The following ECPAS variants were observed in gnomAD, a reference collection of about 807,000 sequenced individuals.
ECPAS encodes proteasome adapter and scaffold protein ECM29.
Under a neutral mutation model 255.1 loss-of-function variants are expected in ECPAS, and 70 were observed. The ratio of observed to expected loss-of-function variants is 0.27; its 90% confidence interval spans 0.23 to 0.33. ECPAS has a LOEUF of 0.33. Among genes scored for constraint, ECPAS ranks in the 10% least tolerant of loss-of-function variants. The probability of loss-of-function intolerance (pLI) is 1.00; values close to 1 mark genes in which losing one functional copy is unlikely to be tolerated. For synonymous variants in ECPAS, 784 were observed against 775.0 expected (o/e 1.01, Z -0.19); for missense variants, 1,817 against 2,206.4 (o/e 0.82, Z 3.54).
intron 9 of ECPAS, 64 bp from the exon 10 acceptor site, chr9:111,428,225 G>A (rs2098224593): frequency 2.7e-6 from 4 of 1,491,508 alleles, no homozygotes; most frequent in Admixed American, 2.1e-5. Flanking sequence ...AAAATGTCAT[G>A]AGAATTCATC....
At position 111,389,975 on chromosome 9, in the gene ECPAS, G is replaced by A; in HGVS notation, c.3279+9C>T. 6.5e-7 allele frequency: 1 copy of A among 1,529,756 alleles called. No homozygotes were observed. Among genetic ancestry groups the A allele is most frequent in the South Asian group, 1.2e-5 (1 of 86,782 alleles). The allele number at this position is 1,529,756 out of a possible 1,614,324, so 94.8% of individuals were successfully genotyped here. A position where few individuals can be genotyped will look rare whatever the true frequency, so the allele number is the denominator to read the frequency against. On this transcript the variant is annotated intron_variant, in intron 30 of 49. Coordinates refer to ENST00000684092, the MANE Select transcript of ECPAS (RefSeq NM_001364929.1). The stretch of plus-strand genomic sequence containing the variant: ...AAAAATAAATAATTGTCCAGTGATA[G>A]CAACTTACCTTCCTAGAGTTCCACA...
intron 1 of ECPAS, among the ~76,000 whole-genome samples, chr9:111,481,934 G>A (rs2098306060): frequency 6.6e-6 from 1 of 152,194 alleles, no homozygotes; most frequent in East Asian, 1.9e-4. Flanking sequence ...GTCGCCAGGG[G>A]CCGAAGGGAG....
At chr9:111,409,065 A>T (rs1003165337) in intron 23 of ECPAS, among the ~76,000 whole-genome samples, 1 of 152,174 alleles carries the variant, frequency 6.6e-6, no homozygotes, top group Non-Finnish European at 1.5e-5. Flanking sequence ...TCCTCATGTT[A>T]TCTCACATAG....
intron 2 of ECPAS, among the ~76,000 whole-genome samples, chr9:111,467,117 C>G (rs1454489285): frequency 6.6e-6 from 1 of 152,020 alleles, no homozygotes; most frequent in Non-Finnish European, 1.5e-5. Context: ...TATTTTCTTA[C>G]AGGACTAGAA....
chr9:111,367,147 A>G (rs1564493538), intron 46 of ECPAS, among the ~76,000 whole-genome samples: 1 of 152,224 alleles, frequency 6.6e-6, no homozygotes, highest in Non-Finnish European at 1.5e-5. Flanking sequence ...TTATAACTAT[A>G]TAATTAATAT....
In ECPAS at chr9:111,366,296, G is replaced by A; in HGVS notation, c.5251C>T (p.Pro1751Ser). Reference sequence around the variant, plus strand: ...AGCAGAATTTCAGCCAAAGCCTCAGGATCGGCATGTTCTTCTTCCAAAAGC... The same window carrying A: ...AGCAGAATTTCAGCCAAAGCCTCAGAATCGGCATGTTCTTCTTCCAAAAGC... ...LMLLEEEHAD[P>S]EALAEILLET... Residue 1751 changes from proline (P) to serine (S), a missense_variant, in exon 48 of 50, where the codon CCT (proline) becomes TCT (serine). Pro to Ser is a moderately conservative substitution (Grantham distance 74). Coordinates refer to ENST00000684092, the MANE Select transcript of ECPAS (RefSeq NM_001364929.1). 6.3e-7 allele frequency: 1 copy of A among 1,578,720 alleles called. No individual in the cohort carries two copies. Among genetic ancestry groups the A allele is most frequent in the Non-Finnish European group, 8.6e-7 (1 of 1,160,818 alleles).
At chr9:111,437,957 T>C (rs2131881554) in intron 6 of ECPAS, among the ~76,000 whole-genome samples, 1 of 152,314 alleles carries the variant, frequency 6.6e-6, no homozygotes, top group Admixed American at 6.5e-5. Context: ...ATATCCACTA[T>C]AATAAAAGTT....
At chr9:111,363,773 AT>A in intron 48 of ECPAS, 114 bp from the exon 49 acceptor site, 1 of 616,260 alleles carries the variant, frequency 1.6e-6, no homozygotes, top group Non-Finnish European at 2.8e-6. Flanking sequence ...AGGGAAGGGT[AT>A]ATCTGATTTT....
chr9:111,455,053 T>A (rs1265972117), intron 2 of ECPAS, among the ~76,000 whole-genome samples: 1 of 152,128 alleles, frequency 6.6e-6, no homozygotes, highest in East Asian at 1.9e-4. Context: ...TTGAGTATAG[T>A]TAAACTTACC....
At chr9:111,387,291 GTTA>G (rs1463309499) in intron 31 of ECPAS, among the ~76,000 whole-genome samples, 1 of 152,090 alleles carries the variant, frequency 6.6e-6, no homozygotes, top group African/African-American at 2.4e-5. Context: ...CATCAGTGCA[GTTA>G]TTGAGGGACA....
At chr9:111,408,941 A>G (rs367971061) in intron 23 of ECPAS, among the ~76,000 whole-genome samples, 61 of 152,294 alleles carry the variant, frequency 4.0e-4, no homozygotes, top group South Asian at 1.7e-3. Context: ...AACTATAACG[A>G]TTTAAAATGT....
chr9:111,444,330 G>T, intron 4 of ECPAS, 48 bp downstream of exon 4: 1 of 1,308,502 alleles, frequency 7.6e-7, no homozygotes, highest in Non-Finnish European at 1.1e-6. Flanking sequence ...TAAATGTTAG[G>T]AAAGAAAATT....
intron 1 of ECPAS, 87 bp from the exon 2 acceptor site, chr9:111,473,087 C>G: frequency 3.7e-6 from 1 of 267,168 alleles, no homozygotes; most frequent in Non-Finnish European, 6.0e-6. Flanking sequence ...CTTTTCATTT[C>G]TTGTTAGATC....
intron 12 of ECPAS, 121 bp downstream of exon 12, chr9:111,425,297 A>ATGTTAAGGAACAGTGAAACTT: frequency 1.6e-6 from 1 of 620,706 alleles, no homozygotes; most frequent in East Asian, 3.1e-5. Context: ...TTCAAGTAAA[A>ATGTTAAGGAACAGTGAAACTT]TGTTAAGGAA....
In ECPAS at chr9:111,384,563, C is replaced by T. The variant is rs777377493; in HGVS notation, c.3640G>A (p.Val1214Ile). The T allele has an allele frequency of 1.6e-5, 26 of 1,613,622 alleles. No individual in the cohort carries two copies. In the Admixed American group the frequency reaches 3.8e-4, roughly 24 times the overall value. Residue 1214 changes from valine to isoleucine, a missense_variant, in exon 34 of 50, where the codon GTA becomes ATA. Physicochemically the swap from Val to Ile is conservative, Grantham distance 29. Transcript: ENST00000684092. ...AGAGCTAGTTCTGCCGCTTTTCGTACAGATTCCTAAAAATGACAAAAGTGT... is the reference window on the plus strand; with the variant it reads ...AGAGCTAGTTCTGCCGCTTTTCGTATAGATTCCTAAAAATGACAAAAGTGT... ...FRVQDDIKES[V>I]RKAAELALKT...
chr9:111,452,247 G>GT (rs1309733798), intron 2 of ECPAS, among the ~76,000 whole-genome samples: 17 of 152,142 alleles, frequency 1.1e-4, no homozygotes, highest in African/African-American at 4.1e-4. Context: ...TACTATAATG[G>GT]TATTGTGGTT....
At chr9:111,448,623 G>A (rs2098256346) in intron 3 of ECPAS, among the ~76,000 whole-genome samples, 2 of 152,148 alleles carry the variant, frequency 1.3e-5, no homozygotes, top group Non-Finnish European at 2.9e-5. Flanking sequence ...TGTTACTAAT[G>A]AATGGCCTTA....
intron 49 of ECPAS, 66 bp downstream of exon 49, chr9:111,363,521 CA>C: frequency 1.0e-6 from 1 of 968,782 alleles, no homozygotes; most frequent in Non-Finnish European, 1.6e-6. Flanking sequence ...AAAAACGAAA[CA>C]AAAAATTTCT....
At chr9:111,462,738 ATTTT>A (rs34375105) in intron 2 of ECPAS, among the ~76,000 whole-genome samples, 18 of 108,228 alleles carry the variant, frequency 1.7e-4, no homozygotes, top group African/African-American at 5.2e-4. Context: ...CATTCATGGA[ATTTT>A]TTTTTTTTTT....
Sources: gnomAD v4.1 joint callset for allele counts (sites outside exome capture counted in the v4.1 genomes callset) on GRCh38, gnomAD v4.1.1 for gene constraint, MANE v1.5 for transcripts, NCBI Gene and HGNC (gene_info 2026-07-23, HGNC 2026-07-21) for gene names.